Variants in NMT2 observed in about 807,000 individuals in gnomAD.
The protein encoded by NMT2 is N-myristoyltransferase 2, also known as glycylpeptide N-tetradecanoyltransferase 2.
A neutral mutation model predicts 65.4 loss-of-function variants in NMT2; 35 were observed. The ratio of observed to expected loss-of-function variants is 0.54; its 90% CI spans 0.41 to 0.71. NMT2 has a LOEUF of 0.71. NMT2 is among the 30% of genes least tolerant of loss of function. NMT2 has a pLI of 0.00. For missense variants in NMT2, 489 were observed against 611.3 expected, an observed-to-expected ratio of 0.80 and a Z score of 2.11; for synonymous variants, 226 against 231.8, an observed-to-expected ratio of 0.98 and a Z score of 0.23.
intron 1 of NMT2, among the ~76,000 whole-genome samples, chr10:15,166,798 T>C (rs1285663173): frequency 6.6e-6 from 1 of 152,202 alleles, no homozygotes; most frequent in African/African-American, 2.4e-5. Context: ...GGTGCTACTC[T>C]GGGAACTTTA....
At position 15,107,418 on chromosome 10, in the gene NMT2, T is replaced by G. The variant is rs1466018846; in HGVS notation, c.*1777A>C. 1 of 985,324 alleles carries G rather than the reference T, an allele frequency of 1.0e-6. No homozygotes were observed. The highest frequency in any genetic ancestry group is 1.2e-6 in the Non-Finnish European group (1 of 829,932). The allele number at this position is 985,324 out of a possible 1,614,324, so 61.0% of individuals were successfully genotyped here. ...AAAACAATTAACTTCTGCACTGAACTTCCTAGGCACTGGCCCAGTAAAAGC... is the reference window on the plus strand; with the variant it reads ...AAAACAATTAACTTCTGCACTGAACGTCCTAGGCACTGGCCCAGTAAAAGC... On this transcript the variant is annotated 3_prime_UTR_variant, in exon 12 of 12. Coordinates refer to ENST00000378165, the MANE Select transcript of NMT2 (RefSeq NM_004808.3).
chr10:15,138,524 A>G (rs1846604183), intron 2 of NMT2: 2 of 468,992 alleles, frequency 4.3e-6, no homozygotes, highest in Admixed American at 2.4e-5. Flanking sequence ...CCTATATAAG[A>G]GGCAGGTATA....
At chr10:15,154,233 C>A (rs958978271) in intron 1 of NMT2, among the ~76,000 whole-genome samples, 1 of 152,128 alleles carries the variant, frequency 6.6e-6, no homozygotes, top group Non-Finnish European at 1.5e-5. Flanking sequence ...CCTCCAGGTG[C>A]CCAGAACAAA....
Position 15,130,301 on chromosome 10 carries a change from A to G in NMT2, c.731T>C (p.Met244Thr). ...NIRIYDSVKK[M>T]VEINFLCVHK... is the part of the protein sequence containing the mutation. Reference sequence around the variant, plus strand: ...AACACAAAGAAAGTTGATTTCTACCATCTTCTTCACACTAAGAAATAAAGA... The same window carrying G: ...AACACAAAGAAAGTTGATTTCTACCGTCTTCTTCACACTAAGAAATAAAGA... Residue 244 changes from methionine (M) to threonine (T), a missense_variant, in exon 7 of 12, where the codon ATG (methionine) becomes ACG (threonine). Physicochemically the swap from Met to Thr is moderately conservative, Grantham distance 81. Coordinates refer to ENST00000378165, the MANE Select transcript of NMT2 (RefSeq NM_004808.3). 6.3e-7 allele frequency: 1 copy of G among 1,587,852 alleles called. No individual in the cohort carries two copies. Among genetic ancestry groups the G allele is most frequent in the Non-Finnish European group, 8.6e-7 (1 of 1,166,028 alleles).
rs576457709 is a variant in NMT2 at position 15,132,276 on chromosome 10, G to T, written c.719+541C>A. Among the ~76,000 whole-genome samples the T allele has an allele frequency of 1.9e-3, 291 of 150,642 alleles. 1 individual carries two copies. Among genetic ancestry groups the T allele is most frequent in the Non-Finnish European group, 3.4e-3 (231 of 67,530 alleles). On this transcript the variant is annotated intron_variant, in intron 6 of 11. Coordinates refer to ENST00000378165, the MANE Select transcript of NMT2 (RefSeq NM_004808.3). ...TGTCCTTTATTTTTATTCACAGTCC[G>T]TTTTTTTTTCTTTACTACTTAATAA...
intron 1 of NMT2, among the ~76,000 whole-genome samples, chr10:15,146,717 A>C (rs1358747098): frequency 6.6e-6 from 1 of 152,120 alleles, no homozygotes; most frequent in Non-Finnish European, 1.5e-5. Flanking sequence ...TGAGAAGGGA[A>C]CTTCCACTGT....
chr10:15,120,057 T>C (rs1050921286), intron 8 of NMT2, among the ~76,000 whole-genome samples: 3 of 152,254 alleles, frequency 2.0e-5, no homozygotes, highest in African/African-American at 4.8e-5. Flanking sequence ...GTGCTGATCA[T>C]GTACGGACTT....
At chr10:15,158,952 C>T (rs1029439534) in intron 1 of NMT2, among the ~76,000 whole-genome samples, 4 of 152,188 alleles carry the variant, frequency 2.6e-5, no homozygotes, top group East Asian at 1.9e-4. Context: ...GACACCATCA[C>T]GTTGGGGATT....
At chr10:15,147,095 CAAAAAAAAAAAAAAAAAAAAAAA>C (rs34668178) in intron 1 of NMT2, among the ~76,000 whole-genome samples, 3,504 of 44,562 alleles carry the variant, frequency 0.079, 212 homozygotes, top group African/African-American at 0.18. Context: ...CTCTCGCTCT[CAAAAAAAAAAAAAAAAAAAAAAA>C]AAAAAAAAAA....
intron 1 of NMT2, among the ~76,000 whole-genome samples, chr10:15,153,165 G>A (rs1466160794): frequency 6.6e-6 from 1 of 152,144 alleles, no homozygotes; most frequent in Non-Finnish European, 1.5e-5. Context: ...TGAACATGGT[G>A]GCTCACGCCT....
chr10:15,147,342 G>C (rs1200344116), intron 1 of NMT2, among the ~76,000 whole-genome samples: 4 of 152,032 alleles, frequency 2.6e-5, no homozygotes, highest in African/African-American at 9.7e-5. Flanking sequence ...GAATATAGCT[G>C]ATTGTAATCT....
intron 1 of NMT2, among the ~76,000 whole-genome samples, chr10:15,145,948 C>A (rs1389471535): frequency 1.3e-5 from 2 of 152,142 alleles, no homozygotes; most frequent in African/African-American, 4.8e-5. Context: ...GAAGGCAAAT[C>A]CAGGCCCAAG....
At chr10:15,135,778 G>T (rs1026057911) in intron 2 of NMT2, among the ~76,000 whole-genome samples, 4 of 152,094 alleles carry the variant, frequency 2.6e-5, no homozygotes, top group African/African-American at 9.7e-5. Context: ...CGAGCCTTGG[G>T]TGGGGGGCAC....
intron 1 of NMT2, among the ~76,000 whole-genome samples, chr10:15,167,472 GTTT>G (rs937078138): frequency 2.6e-5 from 4 of 152,166 alleles, no homozygotes; most frequent in African/African-American, 9.7e-5. Flanking sequence ...TCCCTATCAT[GTTT>G]TTTAAGCTGA....
chr10:15,161,635 C>A (rs767292726), intron 1 of NMT2, among the ~76,000 whole-genome samples: 2 of 152,136 alleles, frequency 1.3e-5, no homozygotes, highest in Non-Finnish European at 2.9e-5. Context: ...GCTGGGATTA[C>A]AGGTGCGAGC....
intron 3 of NMT2, among the ~76,000 whole-genome samples, chr10:15,134,426 G>A (rs893158276): frequency 6.6e-6 from 1 of 152,168 alleles, no homozygotes; most frequent in Non-Finnish European, 1.5e-5. Flanking sequence ...CAAGGGACGG[G>A]CCCCTTGGAA....
chr10:15,136,803 C>T (rs1846526064), intron 2 of NMT2, among the ~76,000 whole-genome samples: 1 of 151,358 alleles, frequency 6.6e-6, no homozygotes, highest in African/African-American at 2.4e-5. Flanking sequence ...AATATTCCCG[C>T]CAGCTCTTGG....
intron 1 of NMT2, among the ~76,000 whole-genome samples, chr10:15,158,857 T>C (rs1302642660): frequency 1.3e-5 from 2 of 152,162 alleles, no homozygotes; most frequent in Non-Finnish European, 2.9e-5. Flanking sequence ...AGCACTGGAC[T>C]CTATCTCTTT....
At chr10:15,116,513 T>C (rs1465089829) in intron 9 of NMT2, among the ~76,000 whole-genome samples, 1 of 151,976 alleles carries the variant, frequency 6.6e-6, no homozygotes, top group Non-Finnish European at 1.5e-5. Context: ...CTCAAGGAAC[T>C]AGAAAAGAAG....
Sources: gnomAD v4.1 joint callset for allele counts (sites outside exome capture counted in the v4.1 genomes callset) on GRCh38, gnomAD v4.1.1 for gene constraint, MANE v1.5 for transcripts, NCBI Gene and HGNC (gene_info 2026-07-23, HGNC 2026-07-21) for gene names.